MOV10L1: variants seen among roughly 807,000 people sequenced by gnomAD.
MOV10L1 encodes RNA helicase Mov10l1.
In MOV10L1, 110 loss-of-function variants were observed where a neutral mutation model predicts 143.8. The observed-to-expected ratio is 0.76, with a 90% CI of 0.66 to 0.90. The LOEUF is 0.90. MOV10L1 is among the 40% of genes least tolerant of loss of function. The probability of loss-of-function intolerance (pLI) is 0.00; values close to 1 mark genes in which losing one functional copy is unlikely to be tolerated. For synonymous variants in MOV10L1, 593 were observed against 581.1 expected, an observed-to-expected ratio of 1.02 and a Z score of -0.29; for missense variants, 1,406 against 1,526.8, an observed-to-expected ratio of 0.92 and a Z score of 1.32.
chr22:50,091,885 G>C, intron 1 of MOV10L1, 116 bp from the exon 2 acceptor site: 1 of 936,336 alleles, frequency 1.1e-6, no homozygotes, highest in South Asian at 1.7e-5. Flanking sequence ...TTCGGAGTCA[G>C]TGCCTCCGAA....
At chr22:50,090,741 A>G (rs182218589) in intron 1 of MOV10L1, 232 of 540,050 alleles carry the variant, frequency 4.3e-4, no homozygotes, top group African/African-American at 4.2e-3. Context: ...CAGTGGCGCA[A>G]TCTCGGCTCA....
rs200440613 is a variant in MOV10L1, at chr22:50,125,477, A to T, written c.1655A>T (p.Tyr552Phe). 6.2e-7 allele frequency: 1 copy of T among 1,614,224 alleles called. No homozygotes were observed. Among genetic ancestry groups the T allele is most frequent in the Non-Finnish European group, 8.5e-7 (1 of 1,180,034 alleles). Residue 552 changes from tyrosine (Y) to phenylalanine (F), a missense_variant, in exon 11 of 27, where the codon TAT becomes TTT. This residue lies in a region of MOV10L1 where 1,233 missense variants were observed against 1,351.4 expected (regional missense o/e 0.91). Coordinates refer to ENST00000262794, the MANE Select transcript of MOV10L1 (RefSeq NM_018995.3). Reference protein sequence around the residue: ...EIYAEMELKEYNMSGIILRRN... With the variant: ...EIYAEMELKEFNMSGIILRRN... ...TATGCAGAAATGGAACTGAAAGAGT[A>T]TAACATGAGCGGGATCATCTTAAGA...
At chr22:50,100,418 A>G (rs980781369) in intron 3 of MOV10L1, among the ~76,000 whole-genome samples, 1 of 152,222 alleles carries the variant, frequency 6.6e-6, no homozygotes, top group African/African-American at 2.4e-5. Flanking sequence ...TGTTACTGGC[A>G]TGCTGAGGTA....
intron 3 of MOV10L1, among the ~76,000 whole-genome samples, chr22:50,102,664 G>A (rs995930273): frequency 6.6e-6 from 1 of 152,188 alleles, no homozygotes; most frequent in Non-Finnish European, 1.5e-5. Flanking sequence ...CACTTTGGGA[G>A]GCTGAGGCGG....
rs377014150 is a variant in MOV10L1 at position 50,114,565 on chromosome 22, A to G, written c.1069A>G (p.Asn357Asp). 1 of 1,614,220 alleles carries G rather than the reference A, an allele frequency of 6.2e-7. No homozygotes were observed. The highest frequency in any genetic ancestry group is 8.5e-7 in the Non-Finnish European group (1 of 1,180,038). ...NINSLNSHTKNKTSQMSESSL... is the reference protein window; with the variant it reads ...NINSLNSHTKDKTSQMSESSL... ...TAATTCATTAAATAGCCACACAAAA[A>G]ACAAAACCTCTCAGATGTCGGAGAG... is the stretch of plus-strand genomic sequence containing the variant. Residue 357 changes from asparagine (N) to aspartate (D), a missense_variant, in exon 7 of 27, where the codon AAC (asparagine) becomes GAC (aspartate). By Grantham distance (23) the Asn-to-Asp change is conservative. Around this residue, in one of 3 missense-constraint regions of MOV10L1, gnomAD observed 1,233 missense variants for 1,351.4 expected, o/e 0.91. Transcript: ENST00000262794.
rs774122746 is a variant in MOV10L1 at position 50,125,566 on chromosome 22, G to A, written c.1744G>A (p.Ala582Thr). 1.5e-5 allele frequency: 24 copies of A among 1,613,838 alleles called. No homozygotes were observed. Among genetic ancestry groups the A allele is most frequent in the South Asian group, 4.4e-5 (4 of 91,040 alleles). ...GLAEGRPSLYAGDKLILKTQE... is the reference protein window; with the variant it reads ...GLAEGRPSLYTGDKLILKTQE... ...GGCCGAAGGGAGGCCTTCTCTCTAC[G>A]CAGGTGTGTTTGTTACTCATATGCT... The change falls in exon 11 of 27, where the codon GCA (alanine) becomes ACA (threonine). Residue 582 changes from alanine to threonine, a missense_variant. Transcript: ENST00000262794.
Position 50,114,577 on chromosome 22 carries a change from C to T in MOV10L1, c.1081C>T (p.Gln361Ter), listed in dbSNP as rs756494636. 6.2e-7 allele frequency: 1 copy of T among 1,614,174 alleles called. No individual in the cohort carries two copies. ...TAGCCACACAAAAAACAAAACCTCTCAGATGTCGGAGAGCAGTTTGGTGAA... is the reference window on the plus strand; with the variant it reads ...TAGCCACACAAAAAACAAAACCTCTTAGATGTCGGAGAGCAGTTTGGTGAA... ...LNSHTKNKTS[Q>*]MSESSLVNNR... The change falls in exon 7 of 27, where the codon CAG (glutamine) becomes TAG (stop). Residue 361 changes from glutamine to a stop codon, truncating the protein, a stop_gained. Transcript: ENST00000262794. LOFTEE classifies it high-confidence loss of function.
At position 50,143,196 on chromosome 22, in the gene MOV10L1, T is replaced by G; in HGVS notation, c.2333T>G (p.Val778Gly). 1 of 1,614,142 alleles carries G rather than the reference T, an allele frequency of 6.2e-7. No homozygotes were observed. The change falls in exon 17 of 27, where the codon GTG (valine) becomes GGG (glycine). Residue 778 changes from valine to glycine, a missense_variant. By Grantham distance (109) the Val-to-Gly change is moderately radical. Transcript: ENST00000262794. ...GGACCTCCTGGTACTGGAAAGACAG[T>G]GACAATAATAGAGGCTGTTTTACAG... ...LFGPPGTGKTVTIIEAVLQVH... is the reference protein window; with the variant it reads ...LFGPPGTGKTGTIIEAVLQVH...
chr22:50,103,682 A>C (rs1268477708), intron 3 of MOV10L1, among the ~76,000 whole-genome samples: 1 of 152,168 alleles, frequency 6.6e-6, no homozygotes, highest in African/African-American at 2.4e-5. Flanking sequence ...TGAGTAGTCT[A>C]TGGTGAGATC....
chr22:50,137,080 A>G (rs1439039321), intron 15 of MOV10L1, among the ~76,000 whole-genome samples: 1 of 152,224 alleles, frequency 6.6e-6, no homozygotes, highest in Non-Finnish European at 1.5e-5. Flanking sequence ...AAGAATATTT[A>G]TAGGAATATA....
At position 50,090,676 on chromosome 22, in the gene MOV10L1, T is replaced by G. The variant is rs75445301; in HGVS notation, c.97+491T>G. ...TCACCGTTCCTTTCTCCTGAGGTGT[T>G]TGTGTGTGTGTGTGTGTGAGACGGA... On this transcript the variant is annotated intron_variant, in intron 1 of 26. Transcript: ENST00000262794. The G allele has an allele frequency of 7.6e-6, 6 of 793,810 alleles. No individual in the cohort carries two copies. The highest frequency in any genetic ancestry group is 1.2e-5 in the Non-Finnish European group (6 of 492,406). The allele number at this position is 793,810 out of a possible 1,614,324, so 49.2% of individuals were successfully genotyped here.
At chr22:50,110,403 C>T (rs1213293564) in intron 5 of MOV10L1, among the ~76,000 whole-genome samples, 1 of 148,642 alleles carries the variant, frequency 6.7e-6, no homozygotes, top group Non-Finnish European at 1.5e-5. Context: ...GAGCCGAGAT[C>T]GCGCCACTGC....
intron 2 of MOV10L1, chr22:50,096,222 CTA>C (rs1240513686): frequency 6.6e-6 from 1 of 152,208 alleles, no homozygotes; most frequent in Non-Finnish European, 1.5e-5. Context: ...CTTTATGTCT[CTA>C]TGAATTTGCC....
intron 5 of MOV10L1, among the ~76,000 whole-genome samples, chr22:50,110,073 C>G (rs1418710342): frequency 2.0e-5 from 3 of 151,936 alleles, no homozygotes; most frequent in Non-Finnish European, 4.4e-5. Flanking sequence ...CACTTGAACC[C>G]AAGAGGCAGA....
intron 1 of MOV10L1, 106 bp downstream of exon 1, chr22:50,090,291 C>T (rs1328748759): frequency 2.3e-5 from 33 of 1,447,142 alleles, no homozygotes; most frequent in Non-Finnish European, 2.9e-5. Flanking sequence ...CGGCAGGCAA[C>T]GCTGGGCCCG....
intron 2 of MOV10L1, among the ~76,000 whole-genome samples, chr22:50,098,883 G>A (rs1430077037): frequency 1.3e-5 from 2 of 152,152 alleles, no homozygotes; most frequent in African/African-American, 2.4e-5. Flanking sequence ...ATCATAAAAA[G>A]TGTTGATTTT....
chr22:50,127,797 G>A (rs370034043), intron 12 of MOV10L1, among the ~76,000 whole-genome samples: 1 of 150,908 alleles, frequency 6.6e-6, no homozygotes, highest in Non-Finnish European at 1.5e-5. Flanking sequence ...TTTTGAGATG[G>A]ATTCTCACTC....
intron 8 of MOV10L1, among the ~76,000 whole-genome samples, chr22:50,116,660 C>CTT (rs397867977): frequency 0.11 from 11,510 of 103,916 alleles, 1,007 homozygotes; most frequent in East Asian, 0.18. Flanking sequence ...TAGATGCTTA[C>CTT]TTTTTTTTTT....
intron 26 of MOV10L1, 67 bp downstream of exon 26, chr22:50,161,122 C>T (rs1372357719): frequency 1.2e-5 from 17 of 1,475,972 alleles, no homozygotes; most frequent in Admixed American, 1.7e-5. Context: ...CTGCCCTCCC[C>T]TGCTCCCCTC....
Sources: allele counts gnomAD v4.1 joint callset (sites outside exome capture counted in the v4.1 genomes callset), GRCh38; gene constraint gnomAD v4.1.1; regional missense constraint gnomAD v4.1.1; transcripts MANE v1.5; gene names NCBI Gene and HGNC (gene_info 2026-07-23, HGNC 2026-07-21).